Variants in PRMT7 observed in about 807,000 individuals in gnomAD.
The protein encoded by PRMT7 is protein arginine N-methyltransferase 7.
PRMT7 carries 75 observed loss-of-function variants against 85.4 expected under a neutral mutation model. That is an observed-to-expected ratio of 0.88 (90% CI 0.73 to 1.06). The LOEUF is 1.06. Ranked by LOEUF, PRMT7 falls within the 50% of genes least tolerant of loss-of-function variation. PRMT7 has a pLI of 0.00. For missense variants in PRMT7, 868 were observed against 915.2 expected, an observed-to-expected ratio of 0.95 and a Z score of 0.67; for synonymous variants, 397 against 359.5, an observed-to-expected ratio of 1.10 and a Z score of -1.18.
chr16:68,358,835 T>A (rs1013143360), downstream of PRMT7: 1 of 152,370 alleles, frequency 6.6e-6, no homozygotes, highest in African/African-American at 2.4e-5. Context: ...TGGTTCACTT[T>A]AAAAAATCAG....
intron 5 of PRMT7, 43 bp from the exon 6 acceptor site, chr16:68,329,018 GTTTAA>G: frequency 7.3e-7 from 1 of 1,362,416 alleles, no homozygotes; most frequent in South Asian, 1.2e-5. Flanking sequence ...TCAGACTACT[GTTTAA>G]TTTATTGCTC....
intron 6 of PRMT7, among the ~76,000 whole-genome samples, chr16:68,332,937 C>T (rs753324163): frequency 1.3e-5 from 2 of 152,216 alleles, no homozygotes; most frequent in African/African-American, 2.4e-5. Flanking sequence ...TAGTTGATAA[C>T]AGCCGGAGGG....
At position 68,358,229 on chromosome 16, in the gene PRMT7, G is replaced by A. The variant is rs897835415; in HGVS notation, c.*1005G>A. 1.3e-5 allele frequency: 2 copies of A among 152,546 alleles called. No individual in the cohort carries two copies. Among genetic ancestry groups the A allele is most frequent in the African/African-American group, 4.8e-5 (2 of 41,458 alleles). 9.4% of individuals were successfully genotyped at this position (152,546 alleles called of 1,614,324 possible). On this transcript the variant is annotated 3_prime_UTR_variant, in exon 19 of 19. Transcript: ENST00000441236. Reference sequence around the variant, plus strand: ...TTCAGGGCAGACTTGGGCAGTGCCTGTCCTGCAGTTGGGGGCAGGAACTCC... The same window carrying A: ...TTCAGGGCAGACTTGGGCAGTGCCTATCCTGCAGTTGGGGGCAGGAACTCC...
chr16:68,345,765 G>A lies in PRMT7; in HGVS notation c.1018G>A (p.Asp340Asn), dbSNP rs1267579170. The A allele has an allele frequency of 4.3e-6, 7 of 1,614,048 alleles. No individual in the cohort carries two copies. The highest frequency in any genetic ancestry group is 2.2e-5 in the East Asian group (1 of 44,888). The stretch of plus-strand genomic sequence containing the variant: ...AGCGCTCTATCTGGTAGCCCACCAC[G>A]ATGACTACTGCGTATGGTACAGCCT... ...GSALYLVAHH[D>N]DYCVWYSLQR... The change falls in exon 10 of 19, where the codon GAT (aspartate) becomes AAT (asparagine). Residue 340 changes from aspartate to asparagine, a missense_variant. Coordinates refer to ENST00000441236, the MANE Select transcript of PRMT7 (RefSeq NM_019023.5).
chr16:68,351,182 C>T lies in PRMT7; in HGVS notation c.1414-1066C>T, dbSNP rs529633470. On this transcript the variant is annotated intron_variant, in intron 14 of 18. Coordinates refer to ENST00000441236, the MANE Select transcript of PRMT7 (RefSeq NM_019023.5). ...ATGTTCCTGATGCTGTGTGGGGAGG[C>T]GAGGAAGCACTCAGGGCAGCCCCTT... is the stretch of plus-strand genomic sequence containing the variant. Among the ~76,000 whole-genome samples, 14 of 152,228 alleles carry T rather than the reference C, an allele frequency of 9.2e-5. No individual in the cohort carries two copies. The East Asian group carries it at 1.5e-3, about 17-fold the overall frequency.
At chr16:68,329,697 A>C (rs1018637742) in intron 6 of PRMT7, among the ~76,000 whole-genome samples, 10 of 151,978 alleles carry the variant, frequency 6.6e-5, no homozygotes, top group African/African-American at 2.4e-4. Flanking sequence ...GTGAAACTCT[A>C]TCTCTACTAA....
chr16:68,344,917 T>C (rs1258257788), intron 9 of PRMT7, among the ~76,000 whole-genome samples: 1 of 43,996 alleles, frequency 2.3e-5, no homozygotes, highest in African/African-American at 1.3e-4. Context: ...TCTTTCTGCC[T>C]CCCTTCCTGC....
chr16:68,325,910 C>G (rs2083060159), intron 5 of PRMT7, among the ~76,000 whole-genome samples: 1 of 152,178 alleles, frequency 6.6e-6, no homozygotes, highest in Admixed American at 6.5e-5. Context: ...AGGTTGAGAA[C>G]CACTACCTTA....
chr16:68,354,063 C>T (rs2087872198), intron 16 of PRMT7, among the ~76,000 whole-genome samples: 1 of 152,144 alleles, frequency 6.6e-6, no homozygotes, highest in African/African-American at 2.4e-5. Flanking sequence ...ATGAGAGGGG[C>T]AGGGTGAGGA....
At chr16:68,342,041 C>T (rs997196344) in intron 9 of PRMT7, among the ~76,000 whole-genome samples, 1 of 152,064 alleles carries the variant, frequency 6.6e-6, no homozygotes, top group South Asian at 2.1e-4. Context: ...ACTTTGGGAG[C>T]CCCAGGTGGG....
At chr16:68,353,296 G>A (rs1567741982) in intron 15 of PRMT7, 196 bp from the exon 16 acceptor site, 20 of 1,258,352 alleles carry the variant, frequency 1.6e-5, no homozygotes, top group Non-Finnish European at 2.0e-5. Flanking sequence ...CAGGTGTCAC[G>A]TCAGAGCTTG....
At chr16:68,313,317 C>CA (rs1327053300) in intron 2 of PRMT7, among the ~76,000 whole-genome samples, 1 of 152,164 alleles carries the variant, frequency 6.6e-6, no homozygotes, top group East Asian at 1.9e-4. Context: ...ACCCAGTCAT[C>CA]ACGCTTATGA....
chr16:68,346,032 A>G lies in PRMT7; in HGVS notation c.1056-113A>G. On this transcript the variant is annotated intron_variant, in intron 10 of 18. Transcript: ENST00000441236. ...AGATGCGTAGGAAAAGTCTGGAATT[A>G]GCGGGTGCTCTAAGCCCTCATGCCT... The G allele has an allele frequency of 2.0e-6, 3 of 1,494,876 alleles. No individual in the cohort carries two copies. In the South Asian group the frequency reaches 3.6e-5, roughly 18 times the overall value. The allele number at this position is 1,494,876 out of a possible 1,614,324, so 92.6% of individuals were successfully genotyped here.
rs1198128403 is a variant in PRMT7, at chr16:68,340,347, A to G, written c.927+379A>G. On this transcript the variant is annotated intron_variant, in intron 9 of 18. Transcript: ENST00000441236. ...CAAAATCTCCTTTCTCCACCCCGATAGAAAGTAGGCAGAGGACATGAAACA... is the reference window on the plus strand; with the variant it reads ...CAAAATCTCCTTTCTCCACCCCGATGGAAAGTAGGCAGAGGACATGAAACA... Among the ~76,000 whole-genome samples the G allele has an allele frequency of 2.6e-5, 4 of 152,204 alleles. No homozygotes were observed. The South Asian group carries it at 6.2e-4, about 24-fold the overall frequency.
chr16:68,335,744 T>C (rs1227833734), intron 6 of PRMT7, among the ~76,000 whole-genome samples: 3 of 151,042 alleles, frequency 2.0e-5, no homozygotes, highest in Admixed American at 2.0e-4. Flanking sequence ...AGGTTCACGC[T>C]GTCTCTGTTG....
intron 14 of PRMT7, chr16:68,351,721 T>G (rs1204758122): frequency 6.5e-6 from 1 of 153,008 alleles, no homozygotes; most frequent in Non-Finnish European, 1.5e-5. Context: ...GAACATCTGG[T>G]CACGGCACTG....
At chr16:68,352,081 CTGATGAGGGAGGGAG>C in intron 14 of PRMT7, 152 bp from the exon 15 acceptor site, 1 of 651,468 alleles carries the variant, frequency 1.5e-6, no homozygotes, top group Admixed American at 2.9e-5. Flanking sequence ...GAGGGAGGGA[CTGATGAGGGAGGGAG>C]GGAATGAGTG....
At chr16:68,355,562 T>C in intron 16 of PRMT7, 161 bp from the exon 17 acceptor site, 1 of 646,844 alleles carries the variant, frequency 1.5e-6, no homozygotes. Flanking sequence ...GAGAGAGAAG[T>C]GGCAGAGAGG....
chr16:68,356,383 C>G (rs1470192043), intron 17 of PRMT7, among the ~76,000 whole-genome samples: 2 of 152,248 alleles, frequency 1.3e-5, no homozygotes, highest in Non-Finnish European at 2.9e-5. Flanking sequence ...GGGTTGCTGT[C>G]TGGGGCATCA....
Sources: gnomAD v4.1 joint callset for allele counts (sites outside exome capture counted in the v4.1 genomes callset) on GRCh38, gnomAD v4.1.1 for gene constraint, MANE v1.5 for transcripts, NCBI Gene and HGNC (gene_info 2026-07-23, HGNC 2026-07-21) for gene names.